The following COL26A1 variants were observed in gnomAD, a reference collection of about 807,000 sequenced individuals.
COL26A1 encodes collagen alpha-1(XXVI) chain.
COL26A1 carries 41 observed loss-of-function variants against 59.3 expected under a neutral mutation model. The observed-to-expected ratio is 0.69, with a 90% CI of 0.54 to 0.90. COL26A1 has a LOEUF of 0.90. Among genes scored for constraint, COL26A1 ranks in the 40% least tolerant of loss-of-function variants. COL26A1 has a pLI of 0.00. For missense variants in COL26A1, 612 were observed against 602.3 expected (o/e 1.02, Z -0.17); for synonymous variants, 266 against 256.0 (o/e 1.04, Z -0.37).
intron 3 of COL26A1, among the ~76,000 whole-genome samples, chr7:101,499,723 A>G (rs1794660486): frequency 6.6e-6 from 1 of 151,700 alleles, no homozygotes; most frequent in Non-Finnish European, 1.5e-5. Flanking sequence ...ATAAAAATAA[A>G]AAAATTAGCC....
chr7:101,445,144 T>TGAAA (rs1462580775), intron 2 of COL26A1, among the ~76,000 whole-genome samples: 1 of 151,944 alleles, frequency 6.6e-6, no homozygotes, highest in Non-Finnish European at 1.5e-5. Context: ...CCTGGCCAGG[T>TGAAA]ACTTTATGTT....
chr7:101,436,631 T>C (rs1344550355), intron 2 of COL26A1, among the ~76,000 whole-genome samples: 1 of 152,028 alleles, frequency 6.6e-6, no homozygotes, highest in Non-Finnish European at 1.5e-5. Context: ...CACATCCACT[T>C]TGGAGACCAG....
intron 9 of COL26A1, among the ~76,000 whole-genome samples, chr7:101,550,043 G>A (rs754808251): frequency 3.3e-5 from 5 of 152,224 alleles, no homozygotes; most frequent in Non-Finnish European, 5.9e-5. Flanking sequence ...AGTGTGTGGT[G>A]TCGGATGAGG....
chr7:101,464,121 A>G (rs575974899), intron 3 of COL26A1, among the ~76,000 whole-genome samples: 1 of 151,834 alleles, frequency 6.6e-6, no homozygotes, highest in African/African-American at 2.4e-5. Flanking sequence ...ATGTACCACC[A>G]TGCTTGGCAA....
At chr7:101,536,799 G>A (rs1795492119) in intron 4 of COL26A1, among the ~76,000 whole-genome samples, 1 of 152,232 alleles carries the variant, frequency 6.6e-6, no homozygotes, top group African/African-American at 2.4e-5. Flanking sequence ...GGTGTCCAAA[G>A]AAGCCAGGCT....
At position 101,362,965 on chromosome 7, in the gene COL26A1, C is replaced by G; in HGVS notation, c.-68C>G. 1 of 1,477,260 alleles carries G rather than the reference C, an allele frequency of 6.8e-7. No homozygotes were observed. Among genetic ancestry groups the G allele is most frequent in the South Asian group, 1.3e-5 (1 of 77,594 alleles). The allele number at this position is 1,477,260 out of a possible 1,614,324, so 91.5% of individuals were successfully genotyped here. A position where few individuals can be genotyped will look rare whatever the true frequency, so the allele number is the denominator to read the frequency against. ...CCCGGCCGGTGCCGCGGGTTCGGTCCGGGCGCCGGTGCGCTCCTGCCGGTC... is the reference window on the plus strand; with the variant it reads ...CCCGGCCGGTGCCGCGGGTTCGGTCGGGGCGCCGGTGCGCTCCTGCCGGTC... On this transcript the variant is annotated 5_prime_UTR_variant, in exon 1 of 13. Transcript: ENST00000313669.
At chr7:101,451,113 ATT>A (rs10580660) in intron 3 of COL26A1, among the ~76,000 whole-genome samples, 63,703 of 140,744 alleles carry the variant, frequency 0.45, 16,595 homozygotes, top group Admixed American at 0.59. Context: ...CGTATTATAT[ATT>A]GTTGAAATAT....
At chr7:101,431,601 T>C (rs924167074) in intron 2 of COL26A1, among the ~76,000 whole-genome samples, 7 of 152,114 alleles carry the variant, frequency 4.6e-5, no homozygotes, top group African/African-American at 1.7e-4. Context: ...TAAGGAAGTT[T>C]TCCTCTTACT....
chr7:101,364,038 G>A (rs1020265628), intron 1 of COL26A1, among the ~76,000 whole-genome samples: 4 of 152,128 alleles, frequency 2.6e-5, no homozygotes, highest in Non-Finnish European at 5.9e-5. Flanking sequence ...TCCGTGGCGG[G>A]GTTGGAGAGG....
chr7:101,488,595 C>G (rs1476946676), intron 3 of COL26A1, among the ~76,000 whole-genome samples: 2 of 151,744 alleles, frequency 1.3e-5, no homozygotes, highest in Non-Finnish European at 1.5e-5. Context: ...AGGCTGGTCT[C>G]GAACCCCTGA....
At chr7:101,412,199 C>T (rs1193158005) in intron 1 of COL26A1, among the ~76,000 whole-genome samples, 1 of 152,094 alleles carries the variant, frequency 6.6e-6, no homozygotes, top group African/African-American at 2.4e-5. Flanking sequence ...AGCGCCTCCC[C>T]ATAAGACATG....
intron 10 of COL26A1, among the ~76,000 whole-genome samples, chr7:101,551,607 T>A (rs949321778): frequency 1.6e-4 from 25 of 151,762 alleles, no homozygotes; most frequent in African/African-American, 5.6e-4. Flanking sequence ...ATTAGCTGAG[T>A]GTGGTGGTAC....
chr7:101,489,666 TTC>T (rs1794355421), intron 3 of COL26A1, among the ~76,000 whole-genome samples: 24 of 54,902 alleles, frequency 4.4e-4, no homozygotes, highest in African/African-American at 8.4e-4. Context: ...TCTTTCTTCC[TTC>T]CTTCCTTCCT....
Position 101,416,397 on chromosome 7 carries a change from A to G in COL26A1, c.159-3580A>G, listed in dbSNP as rs1298770598. Among the ~76,000 whole-genome samples the G allele has an allele frequency of 2.1e-5, 3 of 143,744 alleles. 1 individual carries two copies. Among genetic ancestry groups the G allele is most frequent in the Non-Finnish European group, 4.7e-5 (3 of 63,390 alleles). The allele number at this position is 143,744 out of a possible 152,430, so 94.3% of individuals were successfully genotyped here. On this transcript the variant is annotated intron_variant, in intron 1 of 12. Coordinates refer to ENST00000313669, the MANE Select transcript of COL26A1 (RefSeq NM_001278563.3). ...TGATCCACCCACCTCGGCCTCCCAA[A>G]GTACTGGGATTACAGGCATGAGCTA...
At chr7:101,502,948 G>A (rs552726195) in intron 3 of COL26A1, among the ~76,000 whole-genome samples, 128 of 152,262 alleles carry the variant, frequency 8.4e-4, no homozygotes, top group Non-Finnish European at 7.4e-5. Context: ...CCAAGGTGGG[G>A]CCCATCTGCT....
Position 101,555,825 on chromosome 7 carries a change from C to T in COL26A1, c.1119C>T (p.Ile373=). 2.5e-6 allele frequency: 4 copies of T among 1,611,996 alleles called. No individual in the cohort carries two copies. The highest frequency in any genetic ancestry group is 3.4e-6 in the Non-Finnish European group (4 of 1,179,344). Residue 373 remains isoleucine, a synonymous_variant, in exon 12 of 13, where the codon ATC becomes ATT. Transcript: ENST00000313669. ...AGCAGCTGAGAGAGGCCCTGAAGAT[C>T]CTGGCAGAGCGAGTCCTCATCCTGG... The part of the protein sequence containing the change: ...GVQQLREALK[I]LAERVLILEH...
intron 1 of COL26A1, among the ~76,000 whole-genome samples, chr7:101,387,772 A>ATTTTTTTTTTTTTTTTTTT (rs1374717696): frequency 4.7e-5 from 2 of 42,512 alleles, no homozygotes; most frequent in Non-Finnish European, 9.7e-5. Flanking sequence ...ATATATATAT[A>ATTTTTTTTTTTTTTTTTTT]TATATATTTT....
intron 1 of COL26A1, among the ~76,000 whole-genome samples, chr7:101,396,117 C>T (rs1419256066): frequency 6.6e-6 from 1 of 151,888 alleles, no homozygotes; most frequent in Admixed American, 6.6e-5. Flanking sequence ...AAAACATTAG[C>T]CAGGTGTGGT....
intron 3 of COL26A1, among the ~76,000 whole-genome samples, chr7:101,473,367 C>T (rs1416658104): frequency 4.6e-5 from 7 of 152,070 alleles, no homozygotes; most frequent in Non-Finnish European, 8.8e-5. Flanking sequence ...TGAGCCACTG[C>T]GCCCGGCCTG....
Sources: gnomAD v4.1 joint callset for allele counts (sites outside exome capture counted in the v4.1 genomes callset) on GRCh38, gnomAD v4.1.1 for gene constraint, MANE v1.5 for transcripts, NCBI Gene and HGNC (gene_info 2026-07-23, HGNC 2026-07-21) for gene names.